CFTR: variants seen among roughly 807,000 people sequenced by gnomAD.
CFTR encodes CF transmembrane conductance regulator, also known as cystic fibrosis transmembrane conductance regulator.
A neutral mutation model predicts 171.6 loss-of-function variants in CFTR; 181 were observed. The observed-to-expected ratio is 1.05, with a 90% CI of 0.93 to 1.19. The LOEUF is 1.19. Among genes scored for constraint, CFTR ranks in the 50% most tolerant of loss-of-function variants. CFTR has a pLI of 0.00. For missense variants in CFTR, 1,968 were observed against 1,734.7 expected (o/e 1.13, Z -2.39); for synonymous variants, 583 against 608.0 (o/e 0.96, Z 0.60).
intron 24 of CFTR, among the ~76,000 whole-genome samples, chr7:117,661,428 C>G (rs2116214282): frequency 6.6e-6 from 1 of 152,320 alleles, no homozygotes; most frequent in South Asian, 2.1e-4. Context: ...TTGCTCAGCT[C>G]TTTGCCACAA....
intron 11 of CFTR, among the ~76,000 whole-genome samples, chr7:117,581,866 T>A (rs529372040): frequency 6.6e-6 from 1 of 152,216 alleles, no homozygotes; most frequent in South Asian, 2.1e-4. Flanking sequence ...TCCTCCCACC[T>A]CTCAATCTCC....
chr7:117,572,649 C>T (rs953110810), intron 11 of CFTR, among the ~76,000 whole-genome samples: 2 of 151,968 alleles, frequency 1.3e-5, no homozygotes, highest in African/African-American at 4.8e-5. Flanking sequence ...TCTACTCTTC[C>T]CTTCCTCTGT....
Position 117,531,076 on chromosome 7 carries a change from C to A in CFTR, c.451C>A (p.Gln151Lys), listed in dbSNP as rs397508720. 165 of 1,613,440 alleles carry A rather than the reference C, an allele frequency of 1.0e-4. No individual in the cohort carries two copies. Among genetic ancestry groups the A allele is most frequent in the Non-Finnish European group, 1.4e-4 (162 of 1,179,774 alleles). Reference sequence around the variant, plus strand: ...TTTTGGCCTTCATCACATTGGAATGCAGATGAGAATAGCTATGTTTAGTTT... The same window carrying A: ...TTTTGGCCTTCATCACATTGGAATGAAGATGAGAATAGCTATGTTTAGTTT... ...AIFGLHHIGM[Q>K]MRIAMFSLIY... Residue 151 changes from glutamine to lysine, a missense_variant, in exon 4 of 27, where the codon CAG becomes AAG. Gln to Lys is a moderately conservative substitution (Grantham distance 53, BLOSUM62 1). Transcript: ENST00000003084.
chr7:117,657,262 T>A (rs999278815), intron 24 of CFTR, among the ~76,000 whole-genome samples: 2 of 152,200 alleles, frequency 1.3e-5, no homozygotes, highest in African/African-American at 4.8e-5. Flanking sequence ...GCAAAATTTT[T>A]ACCTGTTTAG....
intron 21 of CFTR, among the ~76,000 whole-genome samples, chr7:117,619,053 T>C (rs527360850): frequency 1.3e-5 from 2 of 152,214 alleles, no homozygotes; most frequent in Non-Finnish European, 2.9e-5. Context: ...TACCATTCTA[T>C]AGATGGGGTG....
intron 10 of CFTR, among the ~76,000 whole-genome samples, chr7:117,555,844 T>G (rs1799343832): frequency 6.6e-6 from 1 of 152,326 alleles, no homozygotes; most frequent in East Asian, 1.9e-4. Flanking sequence ...GTTAATTGAC[T>G]GTTTATGTTA....
In CFTR at chr7:117,548,649, G is replaced by A. The variant is rs532798256; in HGVS notation, c.1218G>A (p.Gly406=). 5 of 1,612,416 alleles carry A rather than the reference G, an allele frequency of 3.1e-6. No individual in the cohort carries two copies. The African/African-American group carries it at 5.3e-5, about 17-fold the overall frequency. ...GTGTGTTTTTTTAACAGGGATTTGG[G>A]GAATTATTTGAGAAAGCAAAACAAA... The part of the protein sequence containing the change: ...NVTAFWEEGF[G]ELFEKAKQNN... The change falls in exon 10 of 27, where the codon GGG becomes GGA. Residue 406 remains glycine (G), a synonymous_variant. Coordinates refer to ENST00000003084, the MANE Select transcript of CFTR (RefSeq NM_000492.4).
chr7:117,559,834 A>T (rs970355617), intron 11 of CFTR, among the ~76,000 whole-genome samples, 179 bp downstream of exon 11: 16 of 152,144 alleles, frequency 1.1e-4, no homozygotes, highest in Non-Finnish European at 2.4e-4. Context: ...AGAAGCTTGC[A>T]AACACATGAA....
At chr7:117,541,324 AG>A (rs1799048983) in intron 8 of CFTR, among the ~76,000 whole-genome samples, 1 of 152,342 alleles carries the variant, frequency 6.6e-6, no homozygotes, top group East Asian at 1.9e-4. Context: ...ACAGAGAAAC[AG>A]ATCTAGAAAA....
chr7:117,544,228 A>AAAG (rs1368489245), intron 9 of CFTR, among the ~76,000 whole-genome samples: 236 of 152,324 alleles, frequency 1.5e-3, no homozygotes, highest in South Asian at 0.012. Context: ...AGGAAGTGCT[A>AAAG]TCTGGGTAAC....
intron 8 of CFTR, 144 bp from the exon 9 acceptor site, chr7:117,541,872 A>C (rs577445374): frequency 1.3e-5 from 5 of 396,452 alleles, no homozygotes; most frequent in African/African-American, 1.0e-4. Flanking sequence ...AACACTAATA[A>C]AATTATTTTA....
chr7:117,498,304 C>T (rs780352138), intron 1 of CFTR, among the ~76,000 whole-genome samples: 1 of 152,102 alleles, frequency 6.6e-6, no homozygotes, highest in African/African-American at 2.4e-5. Context: ...ATACACAAGG[C>T]TTGTCTTTAG....
At chr7:117,654,580 G>A (rs1389072080) in intron 24 of CFTR, among the ~76,000 whole-genome samples, 1 of 152,092 alleles carries the variant, frequency 6.6e-6, no homozygotes, top group African/African-American at 2.4e-5. Context: ...TAGTGAGTGA[G>A]TTCTCACGAG....
chr7:117,537,002 C>A (rs1434991815), intron 7 of CFTR, among the ~76,000 whole-genome samples: 1 of 152,182 alleles, frequency 6.6e-6, no homozygotes, highest in Non-Finnish European at 1.5e-5. Context: ...TGGTAACTCA[C>A]ATGGAACTGG....
At chr7:117,621,027 G>A (rs1009531354) in intron 21 of CFTR, among the ~76,000 whole-genome samples, 4 of 152,242 alleles carry the variant, frequency 2.6e-5, no homozygotes, top group Admixed American at 6.5e-5. Flanking sequence ...GATTGAACCC[G>A]GGAGATGGAG....
chr7:117,649,797 T>C (rs1793060965), intron 23 of CFTR, among the ~76,000 whole-genome samples: 1 of 152,092 alleles, frequency 6.6e-6, no homozygotes, highest in Admixed American at 6.6e-5. Context: ...TAATACTCAT[T>C]GTAAGCTATG....
intron 22 of CFTR, among the ~76,000 whole-genome samples, chr7:117,636,436 C>A (rs770708411): frequency 6.6e-6 from 1 of 151,992 alleles, no homozygotes; most frequent in Non-Finnish European, 1.5e-5. Context: ...GTATCTGACA[C>A]TAATTTGGAA....
At chr7:117,612,006 G>GAT (rs375943671) in intron 20 of CFTR, among the ~76,000 whole-genome samples, 198 bp downstream of exon 20, 6,511 of 74,624 alleles carry the variant, frequency 0.087, 826 homozygotes, top group African/African-American at 0.25. Context: ...CTTGAAATCG[G>GAT]ATATATATAT....
intron 11 of CFTR, among the ~76,000 whole-genome samples, chr7:117,582,340 C>G (rs1339605124): frequency 1.3e-5 from 2 of 152,136 alleles, no homozygotes. Flanking sequence ...ATTGAGCAAC[C>G]ACTACAAGCA....
Sources: allele counts gnomAD v4.1 joint callset (sites outside exome capture counted in the v4.1 genomes callset), GRCh38; gene constraint gnomAD v4.1.1; transcripts MANE v1.5; gene names NCBI Gene and HGNC (gene_info 2026-07-23, HGNC 2026-07-21).